The following PPEF1 variants were observed in gnomAD, a reference collection of about 807,000 sequenced individuals.
PPEF1 encodes the protein serine/threonine-protein phosphatase with EF-hands 1.
In PPEF1, 12 loss-of-function variants were observed where a neutral mutation model predicts 53.3. That is an observed-to-expected ratio of 0.23 (90% CI 0.14 to 0.36). The LOEUF is 0.36. Among genes scored for constraint, PPEF1 ranks in the 10% least tolerant of loss-of-function variants. The probability of loss-of-function intolerance (pLI) is 1.00; values close to 1 mark genes in which losing one functional copy is unlikely to be tolerated. For missense variants in PPEF1, 334 were observed against 490.4 expected (o/e 0.68, Z 3.01); for synonymous variants, 165 against 176.7 (o/e 0.93, Z 0.52).
intron 4 of PPEF1, among the ~76,000 whole-genome samples, chrX:18,756,198 G>T (rs775719647): frequency 8.9e-4 from 95 of 107,079 alleles, no homozygotes; most frequent in African/African-American, 3.0e-3. Flanking sequence ...TTTTTTTTTT[G>T]AGATAGAGTC....
intron 1 of PPEF1, among the ~76,000 whole-genome samples, chrX:18,727,019 C>G (rs1034816282): frequency 1.8e-5 from 2 of 112,177 alleles, no homozygotes; most frequent in Non-Finnish European, 3.8e-5. Flanking sequence ...CTTCAGTGAT[C>G]ATTTATTCTA....
intron 11 of PPEF1, among the ~76,000 whole-genome samples, chrX:18,804,974 G>A (rs1019439501): frequency 9.0e-6 from 1 of 110,581 alleles, no homozygotes; most frequent in Non-Finnish European, 1.9e-5. Flanking sequence ...GGGATGCACC[G>A]TTTCTTTTTT....
At chrX:18,708,074 T>C (rs2044241147) in intron 1 of PPEF1, among the ~76,000 whole-genome samples, 1 of 112,555 alleles carries the variant, frequency 8.9e-6, no homozygotes, top group Admixed American at 9.4e-5. Context: ...TGTACCAATA[T>C]AAAATCTCAA....
chrX:18,755,080 A>C (rs912875663), intron 4 of PPEF1, among the ~76,000 whole-genome samples: 8 of 111,824 alleles, frequency 7.2e-5, no homozygotes, highest in African/African-American at 2.0e-4. Context: ...GTTCAAGGAG[A>C]TAAATCAATC....
Position 18,716,042 on chromosome X carries a change from G to A in PPEF1, c.46+8216G>A, listed in dbSNP as rs188265334. 6.6e-3 allele frequency among the ~76,000 whole-genome samples: 741 copies of A among 111,839 alleles called. 7 individuals carry two copies. The highest frequency in any genetic ancestry group is 0.022 in the African/African-American group (687 of 30,780). On this transcript the variant is annotated intron_variant, in intron 1 of 15. Coordinates refer to ENST00000470157, the MANE Select transcript of PPEF1 (RefSeq NM_001377996.1). ...CAATTTCTGTAAGTGCTAAGAGGCCGACAAAGACAATCCGTGCTTTTTTGG... is the reference window on the plus strand; with the variant it reads ...CAATTTCTGTAAGTGCTAAGAGGCCAACAAAGACAATCCGTGCTTTTTTGG...
intron 6 of PPEF1, among the ~76,000 whole-genome samples, chrX:18,761,915 G>A (rs1488463980): frequency 9.0e-6 from 1 of 111,118 alleles, no homozygotes; most frequent in African/African-American, 3.3e-5. Flanking sequence ...TTTTAATTTT[G>A]TTCAGGGATG....
At chrX:18,800,240 T>C (rs2046521622) in intron 10 of PPEF1, among the ~76,000 whole-genome samples, 1 of 111,347 alleles carries the variant, frequency 9.0e-6, no homozygotes, top group African/African-American at 3.3e-5. Flanking sequence ...TTTATGTAAA[T>C]TTCAATTATT....
chrX:18,712,792 C>T (rs2044357485), intron 1 of PPEF1, among the ~76,000 whole-genome samples: 1 of 111,681 alleles, frequency 9.0e-6, no homozygotes, highest in South Asian at 3.7e-4. Flanking sequence ...CACTCCTATT[C>T]CTAGTTTATT....
At chrX:18,818,617 C>A (rs1353116634) in intron 13 of PPEF1, among the ~76,000 whole-genome samples, 1 of 111,706 alleles carries the variant, frequency 9.0e-6, no homozygotes, top group Non-Finnish European at 1.9e-5. Flanking sequence ...GATCCGTCCG[C>A]CTTGGCCTTC....
chrX:18,740,887 C>T (rs1211793321), intron 3 of PPEF1, among the ~76,000 whole-genome samples: 2 of 107,812 alleles, frequency 1.9e-5, no homozygotes, highest in Admixed American at 1.0e-4. Context: ...CAGACTTAAA[C>T]GCTCATTTTG....
In PPEF1 at chrX:18,778,512, A is replaced by G. The variant is rs760696973; in HGVS notation, c.559-498A>G. Among the ~76,000 whole-genome samples the G allele has an allele frequency of 3.5e-4, 39 of 110,759 alleles. 1 individual carries two copies. In the South Asian group the frequency reaches 0.014, roughly 41 times the overall value. ...ACTCTTCACTTGCCTGAGTACTTTC[A>G]TTTCCATTCTCCCAGGTGATCTGGG... On this transcript the variant is annotated intron_variant, in intron 6 of 15. Coordinates refer to ENST00000470157, the MANE Select transcript of PPEF1 (RefSeq NM_001377996.1).
chrX:18,716,264 G>A (rs1452744322), intron 1 of PPEF1, among the ~76,000 whole-genome samples: 1 of 111,756 alleles, frequency 8.9e-6, no homozygotes, highest in East Asian at 2.8e-4. Context: ...CAGGCGCGGT[G>A]GCTCACGCCT....
intron 9 of PPEF1, among the ~76,000 whole-genome samples, chrX:18,787,756 C>CAAAA (rs11444215): frequency 1.9e-5 from 1 of 52,507 alleles, no homozygotes; most frequent in Admixed American, 2.0e-4. Flanking sequence ...CCCATCTTTA[C>CAAAA]AAAAAAAAAA....
At chrX:18,739,916 G>A (rs2045104301) in intron 3 of PPEF1, among the ~76,000 whole-genome samples, 1 of 112,554 alleles carries the variant, frequency 8.9e-6, no homozygotes, top group Non-Finnish European at 1.9e-5. Context: ...GGCTCCGTGG[G>A]CGTGGGACCC....
At chrX:18,786,780 C>CAAAAAA (rs761641178) in intron 9 of PPEF1, among the ~76,000 whole-genome samples, 12 of 58,750 alleles carry the variant, frequency 2.0e-4, no homozygotes, top group South Asian at 1.2e-3. Flanking sequence ...AACACTATCT[C>CAAAAAA]AAAAAAAAAA....
rs762866042 is a variant in PPEF1 at position 18,825,327 on chromosome X, C to T, written c.1666-424C>T. 1.9e-4 allele frequency among the ~76,000 whole-genome samples: 21 copies of T among 111,711 alleles called. No homozygotes were observed. The South Asian group carries it at 7.9e-3, about 42-fold the overall frequency. ...TGACGTCACTTCAGAGGCAGTTTAC[C>T]ATGGTGACTAAGATCACAGGCCTTG... On this transcript the variant is annotated intron_variant, in intron 14 of 15. Coordinates refer to ENST00000470157, the MANE Select transcript of PPEF1 (RefSeq NM_001377996.1).
intron 1 of PPEF1, among the ~76,000 whole-genome samples, chrX:18,722,068 T>C (rs1306936377): frequency 8.9e-6 from 1 of 112,272 alleles, no homozygotes; most frequent in Non-Finnish European, 1.9e-5. Flanking sequence ...TCACTGGGCA[T>C]GTGCTTTGAG....
chrX:18,757,870 A>G (rs989517730), intron 5 of PPEF1, 129 bp downstream of exon 5: 12 of 412,287 alleles, frequency 2.9e-5, no homozygotes, highest in Middle Eastern at 6.0e-4. Context: ...ATTATCTATC[A>G]TGATAATACT....
intron 13 of PPEF1, among the ~76,000 whole-genome samples, chrX:18,822,048 T>A (rs2047072130): frequency 9.0e-6 from 1 of 110,993 alleles, no homozygotes; most frequent in Non-Finnish European, 1.9e-5. Flanking sequence ...CCCACTGAGG[T>A]GCCAGCAAGA....
Sources: gnomAD v4.1 joint callset for allele counts (sites outside exome capture counted in the v4.1 genomes callset) on GRCh38, gnomAD v4.1.1 for gene constraint, MANE v1.5 for transcripts, NCBI Gene and HGNC (gene_info 2026-07-23, HGNC 2026-07-21) for gene names.